TEAD1: variants seen among roughly 807,000 people sequenced by gnomAD.
The protein encoded by TEAD1 is transcriptional enhancer factor TEF-1.
In TEAD1, 9 loss-of-function variants were observed where a neutral mutation model predicts 54.9. That is an observed-to-expected ratio of 0.16 (90% CI 0.10 to 0.29). The LOEUF (loss-of-function observed/expected upper bound fraction) is 0.29. TEAD1 is among the 10% of genes least tolerant of loss of function. The probability of loss-of-function intolerance (pLI) is 1.00; values close to 1 mark genes in which losing one functional copy is unlikely to be tolerated. For missense variants in TEAD1, 387 were observed against 535.9 expected, an observed-to-expected ratio of 0.72 and a Z score of 2.74; for synonymous variants, 200 against 187.8, an observed-to-expected ratio of 1.07 and a Z score of -0.53.
intron 2 of TEAD1, among the ~76,000 whole-genome samples, chr11:12,733,035 G>GTA (rs1195919989): frequency 6.6e-6 from 1 of 152,182 alleles, no homozygotes; most frequent in Non-Finnish European, 1.5e-5. Flanking sequence ...CAGATTCATG[G>GTA]TATGAAGGCA....
intron 2 of TEAD1, among the ~76,000 whole-genome samples, chr11:12,695,394 T>A (rs1590059847): frequency 6.6e-6 from 1 of 152,348 alleles, no homozygotes; most frequent in East Asian, 1.9e-4. Context: ...GATTTTTCCT[T>A]ATGTTAAGAG....
chr11:12,741,210 A>G (rs940754014), intron 2 of TEAD1, among the ~76,000 whole-genome samples: 1 of 152,170 alleles, frequency 6.6e-6, no homozygotes, highest in African/African-American at 2.4e-5. Context: ...ATTCTTGTAA[A>G]TGAATGCCCA....
intron 5 of TEAD1, among the ~76,000 whole-genome samples, chr11:12,871,154 G>A (rs1327257167): frequency 6.6e-6 from 1 of 152,212 alleles, no homozygotes; most frequent in Non-Finnish European, 1.5e-5. Flanking sequence ...TAGGCCTATG[G>A]AATATCCATT....
intron 2 of TEAD1, among the ~76,000 whole-genome samples, chr11:12,758,485 A>G (rs1176973659): frequency 7.3e-6 from 1 of 137,268 alleles, no homozygotes; most frequent in East Asian, 2.1e-4. Context: ...ATCTCAGCTT[A>G]CTGCAAGCTC....
intron 3 of TEAD1, among the ~76,000 whole-genome samples, chr11:12,793,313 A>G (rs146768249): frequency 0.015 from 2,227 of 152,276 alleles, 59 homozygotes; most frequent in African/African-American, 0.051. Flanking sequence ...AAGAACTATG[A>G]TAATATTTCC....
At chr11:12,761,555 C>G (rs1351646285) in intron 2 of TEAD1, among the ~76,000 whole-genome samples, 1 of 152,194 alleles carries the variant, frequency 6.6e-6, no homozygotes, top group Non-Finnish European at 1.5e-5. Flanking sequence ...GGGACAACCT[C>G]TGAGGGGCAG....
chr11:12,862,925 G>T (rs185336374), intron 4 of TEAD1, among the ~76,000 whole-genome samples: 1 of 151,740 alleles, frequency 6.6e-6, no homozygotes, highest in Non-Finnish European at 1.5e-5. Context: ...GCCTTTCCTC[G>T]TTCTTTCAGA....
chr11:12,867,358 C>T (rs982268083), intron 5 of TEAD1, among the ~76,000 whole-genome samples: 1 of 152,140 alleles, frequency 6.6e-6, no homozygotes, highest in Admixed American at 6.5e-5. Flanking sequence ...TAACTTTGAG[C>T]CCTTGGTCAA....
intron 3 of TEAD1, among the ~76,000 whole-genome samples, chr11:12,830,765 CACGCACAT>C (rs1316362750): frequency 2.8e-5 from 3 of 105,988 alleles, no homozygotes; most frequent in Middle Eastern, 4.3e-3. Context: ...CATGCACGCA[CACGCACAT>C]GCACATGCAC....
chr11:12,811,830 CTG>C (rs1201079436), intron 3 of TEAD1, among the ~76,000 whole-genome samples: 2 of 63,790 alleles, frequency 3.1e-5, no homozygotes, highest in African/African-American at 1.4e-4. Flanking sequence ...TTATCATAGA[CTG>C]TATATGTGTA....
chr11:12,845,054 C>T (rs566985606), intron 3 of TEAD1, among the ~76,000 whole-genome samples: 54 of 144,116 alleles, frequency 3.7e-4, no homozygotes, highest in Non-Finnish European at 7.3e-4. Context: ...CAACCTCTGC[C>T]TCCTGGATTC....
rs57397259 is a variant in TEAD1 at position 12,781,645 on chromosome 11, TAA to T, written c.202+17223_202+17224del. 2.0e-3 allele frequency among the ~76,000 whole-genome samples: 291 copies of T among 143,142 alleles called. 2 individuals carry two copies. The highest frequency in any genetic ancestry group is 7.4e-3 in the Middle Eastern group (2 of 270). 93.9% of individuals were successfully genotyped at this position (143,142 alleles called of 152,430 possible). ...TTATATCTCTTAGGATGGCTATCAT[TAA>T]AAAAAAAAAAACAGACAATAACAAG... On this transcript the variant is annotated intron_variant, in intron 3 of 12. Transcript: ENST00000527636.
chr11:12,874,992 T>A (rs1347800418), intron 5 of TEAD1, among the ~76,000 whole-genome samples: 1 of 152,196 alleles, frequency 6.6e-6, no homozygotes, highest in East Asian at 1.9e-4. Context: ...TTATTCTTGC[T>A]CATATGCACA....
rs1249620733 is a variant in TEAD1, at chr11:12,942,704, C to T, written c.*5482C>T. 2.6e-5 allele frequency: 4 copies of T among 152,136 alleles called. No individual in the cohort carries two copies. Among genetic ancestry groups the T allele is most frequent in the African/African-American group, 9.7e-5 (4 of 41,406 alleles). The allele number at this position is 152,136 out of a possible 1,614,324, so 9.4% of individuals were successfully genotyped here. On this transcript the variant is annotated 3_prime_UTR_variant, in exon 13 of 13. Transcript: ENST00000527636. Reference sequence around the variant, plus strand: ...GAAAGTTGGAAGCCTCAAACTGAGACGACAGTGCAGAACAAAACAAAAGTG... The same window carrying T: ...GAAAGTTGGAAGCCTCAAACTGAGATGACAGTGCAGAACAAAACAAAAGTG...
intron 3 of TEAD1, among the ~76,000 whole-genome samples, chr11:12,828,486 T>C (rs1946701669): frequency 6.6e-6 from 1 of 152,188 alleles, no homozygotes; most frequent in Non-Finnish European, 1.5e-5. Context: ...ACCTCTCTCC[T>C]TTCTTTTTGT....
chr11:12,829,252 G>A lies in TEAD1; in HGVS notation c.203-32998G>A, dbSNP rs186003803. 2.6e-5 allele frequency among the ~76,000 whole-genome samples: 4 copies of A among 152,254 alleles called. No homozygotes were observed. The East Asian group carries it at 5.8e-4, about 22-fold the overall frequency. ...TACCATTGAATTCTCAGAGCTTTCC[G>A]TGGTGGCTGGCCCAAGGCAATTGTT... is the stretch of plus-strand genomic sequence containing the variant. On this transcript the variant is annotated intron_variant, in intron 3 of 12. Transcript: ENST00000527636.
At position 12,783,563 on chromosome 11, in the gene TEAD1, A is replaced by T. The variant is rs1489973645; in HGVS notation, c.202+19129A>T. Among the ~76,000 whole-genome samples, 6 of 152,112 alleles carry T rather than the reference A, an allele frequency of 3.9e-5. No individual in the cohort carries two copies. The South Asian group carries it at 1.2e-3, about 32-fold the overall frequency. ...TTTCAGTTTTGGGGGAAACCTGGTG[A>T]GTTGCTTCTCAGATGTTTAGGTCAC... On this transcript the variant is annotated intron_variant, in intron 3 of 12. Coordinates refer to ENST00000527636, the MANE Select transcript of TEAD1 (RefSeq NM_021961.6).
At chr11:12,722,932 G>A (rs1019168048) in intron 2 of TEAD1, among the ~76,000 whole-genome samples, 2 of 151,746 alleles carry the variant, frequency 1.3e-5, no homozygotes, top group Admixed American at 1.3e-4. Flanking sequence ...TCATCCCACA[G>A]GCTGAATTTA....
At chr11:12,926,909 T>A (rs1948913020) in intron 11 of TEAD1, among the ~76,000 whole-genome samples, 1 of 152,162 alleles carries the variant, frequency 6.6e-6, no homozygotes. Flanking sequence ...GAAGCAAAGT[T>A]ACCTGTGTGT....
Sources: gnomAD v4.1 joint callset for allele counts (sites outside exome capture counted in the v4.1 genomes callset) on GRCh38, gnomAD v4.1.1 for gene constraint, MANE v1.5 for transcripts, NCBI Gene and HGNC (gene_info 2026-07-23, HGNC 2026-07-21) for gene names.